Variants in LIMD1 observed in about 807,000 individuals in gnomAD.
The protein encoded by LIMD1 is LIM domain-containing protein 1.
Under a neutral mutation model 58.4 loss-of-function variants are expected in LIMD1, and 23 were observed. The ratio of observed to expected loss-of-function variants is 0.39; its 90% confidence interval spans 0.28 to 0.56. The LOEUF is 0.56. Ranked by LOEUF, LIMD1 falls within the 20% of genes least tolerant of loss-of-function variation. LIMD1 has a pLI of 0.57. For missense variants in LIMD1, 838 were observed against 855.5 expected (o/e 0.98, Z 0.25); for synonymous variants, 334 against 345.5 (o/e 0.97, Z 0.37).
At chr3:45,634,277 A>G (rs748047433) in intron 1 of LIMD1, among the ~76,000 whole-genome samples, 2 of 152,092 alleles carry the variant, frequency 1.3e-5, no homozygotes, top group Non-Finnish European at 2.9e-5. Context: ...CATCTTGTGC[A>G]TTGTTTACAT....
In LIMD1 at chr3:45,595,273, C is replaced by T; in HGVS notation, c.394C>T (p.Gln132Ter). ...GCAGCCCCCGTACCCACCGCAGGAGCAGAGATCCAGGCCATACCTGCATGG... is the reference window on the plus strand; with the variant it reads ...GCAGCCCCCGTACCCACCGCAGGAGTAGAGATCCAGGCCATACCTGCATGG... Reference protein sequence around the residue: ...AGQPPYPPQEQRSRPYLHGTR... With the variant: ...AGQPPYPPQE Residue 132 changes from glutamine (Q) to a stop codon, truncating the protein, a stop_gained, in exon 1 of 8, where the codon CAG becomes TAG. Transcript: ENST00000273317. LOFTEE classifies it high-confidence loss of function. The T allele has an allele frequency of 6.2e-7, 1 of 1,612,292 alleles. No homozygotes were observed. The highest frequency in any genetic ancestry group is 8.5e-7 in the Non-Finnish European group (1 of 1,179,676).
chr3:45,615,410 A>G (rs1233449910), intron 1 of LIMD1, among the ~76,000 whole-genome samples: 6 of 152,142 alleles, frequency 3.9e-5, no homozygotes, highest in African/African-American at 1.2e-4. Context: ...ACATGGATCT[A>G]TTGCCTACTG....
rs1478071193 is a variant in LIMD1, at chr3:45,672,621, G to A, written c.1642-69G>A. 2.6e-6 allele frequency: 4 copies of A among 1,548,796 alleles called. 1 individual carries two copies. The highest frequency in any genetic ancestry group is 3.4e-5 in the Admixed American group (2 of 59,314). ...TGCTCATGTAATCCTTAGGCCTGAT[G>A]TGTTCCTCTCCCCTTCCACCATCTC... On this transcript the variant is annotated intron_variant, in intron 4 of 7. Coordinates refer to ENST00000273317, the MANE Select transcript of LIMD1 (RefSeq NM_014240.3).
At chr3:45,666,807 C>T (rs994463546) in intron 3 of LIMD1, among the ~76,000 whole-genome samples, 2 of 152,142 alleles carry the variant, frequency 1.3e-5, no homozygotes, top group East Asian at 3.9e-4. Context: ...AGACTGGGTG[C>T]TTGGTAGTTG....
At position 45,594,872 on chromosome 3, in the gene LIMD1, T is replaced by C. The variant is rs2125645105; in HGVS notation, c.-8T>C. 2 of 1,585,524 alleles carry C rather than the reference T, an allele frequency of 1.3e-6. No individual in the cohort carries two copies. Among genetic ancestry groups the C allele is most frequent in the South Asian group, 2.3e-5 (2 of 88,878 alleles). ...CACCTGGGCTAGGCCCGGACACCTGTCTGCAGCATGGATAAGTATGACGAC... is the reference window on the plus strand; with the variant it reads ...CACCTGGGCTAGGCCCGGACACCTGCCTGCAGCATGGATAAGTATGACGAC... On this transcript the variant is annotated 5_prime_UTR_variant, in exon 1 of 8. Coordinates refer to ENST00000273317, the MANE Select transcript of LIMD1 (RefSeq NM_014240.3).
At chr3:45,654,812 C>CAAAAAAAA (rs1227980901) in intron 2 of LIMD1, among the ~76,000 whole-genome samples, 58 of 56,262 alleles carry the variant, frequency 1.0e-3, no homozygotes, top group African/African-American at 2.0e-3. Flanking sequence ...GACCCTGTCT[C>CAAAAAAAA]AAAAAAAAAA....
At chr3:45,675,380 AT>A (rs1172944664) in intron 7 of LIMD1, among the ~76,000 whole-genome samples, 2 of 152,128 alleles carry the variant, frequency 1.3e-5, no homozygotes, top group African/African-American at 2.4e-5. Context: ...AAATACAAAG[AT>A]TAGTGGGCGT....
In LIMD1 at chr3:45,673,505, G is replaced by C. The variant is rs1559526906; in HGVS notation, c.1824G>C (p.Glu608Asp). The change falls in exon 6 of 8, where the codon GAG (glutamate) becomes GAC (aspartate). Residue 608 changes from glutamate (E) to aspartate (D), a missense_variant and splice_region_variant. By Grantham distance (45) the Glu-to-Asp change is conservative (BLOSUM62 2). Transcript: ENST00000273317. ...GTGGGCTTCCCATCCTTCCACCTGA[G>C]GTAAGATGCCCTTCCAGACATGCTC... ...AACGLPILPP[E>D]GSDETIRVVS... 2 of 1,613,096 alleles carry C rather than the reference G, an allele frequency of 1.2e-6. No homozygotes were observed. The highest frequency in any genetic ancestry group is 2.2e-5 in the South Asian group (2 of 91,058).
intron 1 of LIMD1, among the ~76,000 whole-genome samples, chr3:45,606,581 G>A (rs1170034928): frequency 1.3e-5 from 2 of 152,200 alleles, no homozygotes; most frequent in African/African-American, 4.8e-5. Flanking sequence ...GAGGCTCGGA[G>A]GCACATGGGC....
chr3:45,686,076 T>C lies in LIMD1; in HGVS notation c.*9017T>C, dbSNP rs1697804871. 1 of 152,216 alleles carries C rather than the reference T, an allele frequency of 6.6e-6. No homozygotes were observed. The highest frequency in any genetic ancestry group is 1.5e-5 in the Non-Finnish European group (1 of 68,044). 9.4% of individuals were successfully genotyped at this position (152,216 alleles called of 1,614,324 possible). ...CCGCAATTCCCAGGAATTCGTCTGA[T>C]TGATAACGCCCAAAGCCCCGGGTCT... On this transcript the variant is annotated 3_prime_UTR_variant, in exon 8 of 8. Coordinates refer to ENST00000273317, the MANE Select transcript of LIMD1 (RefSeq NM_014240.3).
In LIMD1 at chr3:45,681,889, GTC is replaced by G. The variant is rs1269385688; in HGVS notation, c.*4836_*4837del. 5 of 152,196 alleles carry G rather than the reference GTC, an allele frequency of 3.3e-5. No individual in the cohort carries two copies. The highest frequency in any genetic ancestry group is 7.4e-5 in the Non-Finnish European group (5 of 68,024). The allele number at this position is 152,196 out of a possible 1,614,324, so 9.4% of individuals were successfully genotyped here. On this transcript the variant is annotated 3_prime_UTR_variant, in exon 8 of 8. Coordinates refer to ENST00000273317, the MANE Select transcript of LIMD1 (RefSeq NM_014240.3). ...ATGCAGTGACTTGTAAGGTCACTTT[GTC>G]TCTCTTGTGAATGTTACTGTTTTTT...
At chr3:45,611,745 C>A (rs910427035) in intron 1 of LIMD1, among the ~76,000 whole-genome samples, 2 of 150,156 alleles carry the variant, frequency 1.3e-5, no homozygotes, top group Non-Finnish European at 2.9e-5. Flanking sequence ...CCTGACATCA[C>A]TGAGGCTTTG....
intron 2 of LIMD1, among the ~76,000 whole-genome samples, chr3:45,661,489 G>C (rs189474715): frequency 6.6e-5 from 10 of 152,300 alleles, no homozygotes; most frequent in African/African-American, 2.4e-4. Context: ...GACATTTGAT[G>C]CTCATTTTTA....
rs1289661385 is a variant in LIMD1, at chr3:45,678,612, A to T, written c.*1553A>T. ...AAAGGCAGCCCATTTTACCATTGCC[A>T]GCCAGGCCGGGGACACAGGAGCCGG... On this transcript the variant is annotated 3_prime_UTR_variant, in exon 8 of 8. Coordinates refer to ENST00000273317, the MANE Select transcript of LIMD1 (RefSeq NM_014240.3). 2 of 152,280 alleles carry T rather than the reference A, an allele frequency of 1.3e-5. No individual in the cohort carries two copies. Among genetic ancestry groups the T allele is most frequent in the African/African-American group, 4.8e-5 (2 of 41,452 alleles). The allele number at this position is 152,280 out of a possible 1,614,324, so 9.4% of individuals were successfully genotyped here. A position where few individuals can be genotyped will look rare whatever the true frequency, so the allele number is the denominator to read the frequency against.
chr3:45,674,443 C>G, intron 7 of LIMD1, 32 bp downstream of exon 7: 1 of 1,549,800 alleles, frequency 6.5e-7, no homozygotes, highest in Non-Finnish European at 8.9e-7. Flanking sequence ...CCCCAAAGCC[C>G]ATTGTAGACA....
chr3:45,661,525 C>T (rs1575364058), intron 2 of LIMD1, among the ~76,000 whole-genome samples: 1 of 152,230 alleles, frequency 6.6e-6, no homozygotes, highest in East Asian at 1.9e-4. Context: ...TCTGAGATGA[C>T]GATTTCTGGA....
intron 2 of LIMD1, among the ~76,000 whole-genome samples, chr3:45,637,670 A>G (rs1159561959): frequency 1.3e-5 from 2 of 152,168 alleles, no homozygotes; most frequent in Non-Finnish European, 2.9e-5. Flanking sequence ...CCTCATTTTG[A>G]ATCCTTCTGG....
rs147397277 is a variant in LIMD1 at position 45,596,181 on chromosome 3, C to T, written c.1302C>T (p.Leu434=). 66 of 1,613,852 alleles carry T rather than the reference C, an allele frequency of 4.1e-5. No homozygotes were observed. Among genetic ancestry groups the T allele is most frequent in the South Asian group, 7.7e-5 (7 of 91,038 alleles). The change falls in exon 1 of 8, where the codon CTC becomes CTT. Residue 434 remains leucine (L), a synonymous_variant. Coordinates refer to ENST00000273317, the MANE Select transcript of LIMD1 (RefSeq NM_014240.3). ...GGGTAAGGCTGCCCTGCCAGCCCCT[C>T]GTCCCAGGTCCTGAGCTGAGACCCT... The part of the protein sequence containing the change: ...SPRVRLPCQP[L]VPGPELRPSA...
At chr3:45,631,778 G>T (rs868317477) in intron 1 of LIMD1, among the ~76,000 whole-genome samples, 3 of 152,184 alleles carry the variant, frequency 2.0e-5, no homozygotes, top group Admixed American at 6.5e-5. Flanking sequence ...ACGTGAAGAC[G>T]CTGGCCACCC....
Sources: allele counts gnomAD v4.1 joint callset (sites outside exome capture counted in the v4.1 genomes callset), GRCh38; gene constraint gnomAD v4.1.1; transcripts MANE v1.5; gene names NCBI Gene and HGNC (gene_info 2026-07-23, HGNC 2026-07-21).